Variants in KIAA0825 observed in about 807,000 individuals in gnomAD.
KIAA0825 encodes the protein uncharacterized protein KIAA0825.
KIAA0825 carries 119 observed loss-of-function variants against 147.6 expected under a neutral mutation model. The ratio of observed to expected loss-of-function variants is 0.81; its 90% confidence interval spans 0.69 to 0.94. The LOEUF (loss-of-function observed/expected upper bound fraction) is 0.94, where lower values mean the gene tolerates loss of function less well. KIAA0825 is among the 40% of genes least tolerant of loss of function. The pLI is 0.00. For synonymous variants in KIAA0825, 470 were observed against 518.1 expected (o/e 0.91, Z 1.26); for missense variants, 1,381 against 1,472.7 (o/e 0.94, Z 1.02).
At chr5:94,428,596 G>A (rs2193533) in intron 14 of KIAA0825, among the ~76,000 whole-genome samples, 1 of 152,160 alleles carries the variant, frequency 6.6e-6, no homozygotes, top group Non-Finnish European at 1.5e-5. Context: ...TGACTCACAA[G>A]GTTTCTGCTG....
chr5:94,500,507 A>G (rs1488546698), intron 5 of KIAA0825, among the ~76,000 whole-genome samples: 1 of 152,166 alleles, frequency 6.6e-6, no homozygotes, highest in Non-Finnish European at 1.5e-5. Context: ...GTGAGTGATT[A>G]TTAGCAGCAT....
At chr5:94,202,719 TTAAG>T (rs1371769746) in intron 20 of KIAA0825, among the ~76,000 whole-genome samples, 1 of 152,172 alleles carries the variant, frequency 6.6e-6, no homozygotes, top group Non-Finnish European at 1.5e-5. Flanking sequence ...TCCCTATCAA[TTAAG>T]TTATTATTTC....
chr5:94,323,214 G>GACAAA (rs1321616217), intron 20 of KIAA0825, among the ~76,000 whole-genome samples: 4 of 151,824 alleles, frequency 2.6e-5, no homozygotes, highest in African/African-American at 9.7e-5. Context: ...GTCAAATCAT[G>GACAAA]ATGCCATCTG....
At chr5:94,523,909 T>C (rs1768745278) in intron 4 of KIAA0825, 21 bp downstream of exon 4, 2 of 1,517,324 alleles carry the variant, frequency 1.3e-6, no homozygotes, top group Non-Finnish European at 1.8e-6. Context: ...CACTCCATGA[T>C]AAAATAAAAA....
rs868042647 is a variant in KIAA0825, at chr5:94,547,892, C to T, written c.-1-10765G>A. On this transcript the variant is annotated intron_variant, in intron 2 of 20. Coordinates refer to ENST00000682413, the MANE Select transcript of KIAA0825 (RefSeq NM_001145678.3). ...CTGAAGGAAAAAAAAAACAAAAAAA[C>T]CTTTTACCCTATAATAGTATATCCT... is the stretch of plus-strand genomic sequence containing the variant. Among the ~76,000 whole-genome samples the T allele has an allele frequency of 2.6e-5, 4 of 151,192 alleles. No individual in the cohort carries two copies. The South Asian group carries it at 8.3e-4, about 32-fold the overall frequency.
intron 20 of KIAA0825, among the ~76,000 whole-genome samples, chr5:94,181,131 C>T (rs1769575304): frequency 6.6e-6 from 1 of 152,178 alleles, no homozygotes; most frequent in African/African-American, 2.4e-5. Flanking sequence ...AGAAGCTACC[C>T]TATCCAAAAT....
chr5:94,520,588 G>A lies in KIAA0825; in HGVS notation c.630C>T (p.Ile210=), dbSNP rs774203873. 17 of 1,613,208 alleles carry A rather than the reference G, an allele frequency of 1.1e-5. No individual in the cohort carries two copies. In the Admixed American group the frequency reaches 2.7e-4, roughly 25 times the overall value. The part of the protein sequence containing the change: ...LFLYPESEVI[I]KYQNIQNKLL... Reference sequence around the variant, plus strand: ...GTTTATTCTGTATGTTTTGGTATTTGATTATAACTTCTGATTCTGGATAAA... The same window carrying A: ...GTTTATTCTGTATGTTTTGGTATTTAATTATAACTTCTGATTCTGGATAAA... Residue 210 remains isoleucine, a synonymous_variant, in exon 5 of 21, where the codon ATC becomes ATT. Transcript: ENST00000682413.
At chr5:94,501,346 T>C (rs1765064176) in intron 5 of KIAA0825, among the ~76,000 whole-genome samples, 1 of 152,242 alleles carries the variant, frequency 6.6e-6, no homozygotes, top group African/African-American at 2.4e-5. Flanking sequence ...CTATGTGTAA[T>C]AGCCATATTA....
chr5:94,496,883 C>T (rs757833019), intron 5 of KIAA0825, among the ~76,000 whole-genome samples: 1 of 152,196 alleles, frequency 6.6e-6, no homozygotes, highest in African/African-American at 2.4e-5. Flanking sequence ...CAAGCCGCTG[C>T]GGTTTTCCTG....
chr5:94,414,742 G>T (rs548123812), intron 15 of KIAA0825: 1 of 152,236 alleles, frequency 6.6e-6, no homozygotes, highest in Non-Finnish European at 1.5e-5. Context: ...GTACAGGTTC[G>T]TGACCTGTTA....
intron 20 of KIAA0825, among the ~76,000 whole-genome samples, chr5:94,237,145 T>TATATA (rs1775091910): frequency 6.6e-6 from 1 of 152,044 alleles, no homozygotes; most frequent in African/African-American, 2.4e-5. Context: ...AGCATAAAAT[T>TATATA]ATATAATATA....
intron 3 of KIAA0825, among the ~76,000 whole-genome samples, chr5:94,528,464 A>G (rs1769813982): frequency 6.6e-6 from 1 of 152,164 alleles, no homozygotes; most frequent in East Asian, 1.9e-4. Flanking sequence ...GTAGGCCTGT[A>G]TCAACCTAAG....
chr5:94,253,412 C>T (rs984918411), intron 20 of KIAA0825, among the ~76,000 whole-genome samples: 1 of 152,142 alleles, frequency 6.6e-6, no homozygotes, highest in African/African-American at 2.4e-5. Context: ...ACATGCGGTG[C>T]ATGCAGCACA....
intron 5 of KIAA0825, among the ~76,000 whole-genome samples, chr5:94,509,705 AAGATTT>A (rs1387588000): frequency 2.0e-5 from 3 of 152,322 alleles, no homozygotes; most frequent in Admixed American, 2.0e-4. Flanking sequence ...AGTTCAAGCA[AAGATTT>A]GTCACATTTT....
intron 20 of KIAA0825, among the ~76,000 whole-genome samples, chr5:94,209,651 T>A (rs1339390770): frequency 6.6e-6 from 1 of 152,220 alleles, no homozygotes; most frequent in Admixed American, 6.5e-5. Flanking sequence ...TACCTGTTTA[T>A]AATTTATTTT....
intron 20 of KIAA0825, among the ~76,000 whole-genome samples, chr5:94,220,535 C>A (rs1773587206): frequency 6.6e-6 from 1 of 152,178 alleles, no homozygotes; most frequent in Non-Finnish European, 1.5e-5. Context: ...TTTATACCAG[C>A]ATCAACACAA....
rs1384322510 is a variant in KIAA0825 at position 94,565,003 on chromosome 5, TCTCTCC to T, written c.-2+17424_-2+17429del. 1.5e-3 allele frequency among the ~76,000 whole-genome samples: 197 copies of T among 129,284 alleles called. 1 individual carries two copies. The highest frequency in any genetic ancestry group is 5.5e-3 in the African/African-American group (186 of 33,670). The allele number at this position is 129,284 out of a possible 152,430, so 84.8% of individuals were successfully genotyped here. ...CTTCTCTTCTCTTCTCCTCTCTCTC[TCTCTCC>T]CTCTCTCTCTCTCTCTCTCTTTCTT... On this transcript the variant is annotated intron_variant, in intron 2 of 20. Transcript: ENST00000682413.
intron 9 of KIAA0825, among the ~76,000 whole-genome samples, chr5:94,470,621 A>G (rs140781293): frequency 0.014 from 2,136 of 152,296 alleles, 29 homozygotes; most frequent in Non-Finnish European, 0.023. Context: ...TTTCTGGCAC[A>G]TTTTGTTTAT....
chr5:94,476,653 C>T (rs530054118), intron 7 of KIAA0825, among the ~76,000 whole-genome samples: 2 of 152,126 alleles, frequency 1.3e-5, no homozygotes, highest in Non-Finnish European at 2.9e-5. Flanking sequence ...TCCCAGAATC[C>T]GAAAGCAAGG....
Sources: gnomAD v4.1 joint callset for allele counts (sites outside exome capture counted in the v4.1 genomes callset) on GRCh38, gnomAD v4.1.1 for gene constraint, MANE v1.5 for transcripts, NCBI Gene and HGNC (gene_info 2026-07-23, HGNC 2026-07-21) for gene names.